Variants in PAXIP1 observed in about 807,000 individuals in gnomAD.
PAXIP1 encodes the protein PAX-interacting protein 1.
In PAXIP1, 19 loss-of-function variants were observed where a neutral mutation model predicts 140.6. That is an observed-to-expected ratio of 0.14 (90% CI 0.09 to 0.20). The LOEUF (loss-of-function observed/expected upper bound fraction) is 0.20, where lower values mean the gene tolerates loss of function less well. PAXIP1 is among the 10% of genes least tolerant of loss of function. PAXIP1 has a pLI of 1.00. For missense variants in PAXIP1, 920 were observed against 1,208.6 expected (o/e 0.76, Z 3.54); for synonymous variants, 442 against 444.6 (o/e 0.99, Z 0.07).
At chr7:154,957,057 A>G (rs1466314531) in intron 14 of PAXIP1, 167 bp downstream of exon 14, 9 of 526,586 alleles carry the variant, frequency 1.7e-5, no homozygotes, top group African/African-American at 3.9e-5. Context: ...ATACTGGCCT[A>G]TGTCATTAAA....
chr7:154,959,855 G>A (rs115039181), intron 13 of PAXIP1, 35 bp downstream of exon 13: 1 of 1,428,324 alleles, frequency 7.0e-7, no homozygotes, highest in East Asian at 2.3e-5. Flanking sequence ...TAATAATACA[G>A]TAATAGCCAA....
intron 4 of PAXIP1, among the ~76,000 whole-genome samples, 166 bp downstream of exon 4, chr7:154,990,840 A>C (rs1810297997): frequency 6.6e-6 from 1 of 152,202 alleles, no homozygotes; most frequent in Non-Finnish European, 1.5e-5. Context: ...CTTAAAAGCA[A>C]GCACAAATAT....
chr7:155,000,736 T>C (rs896275881), intron 1 of PAXIP1: 3 of 152,250 alleles, frequency 2.0e-5, no homozygotes, highest in African/African-American at 7.2e-5. Context: ...AGTATCTTAA[T>C]AGATTTATCT....
chr7:154,977,921 C>G (rs1321210901), intron 5 of PAXIP1, among the ~76,000 whole-genome samples: 1 of 123,328 alleles, frequency 8.1e-6, no homozygotes, highest in Non-Finnish European at 1.9e-5. Context: ...GAACACAGAC[C>G]AAACTTTTTA....
intron 16 of PAXIP1, chr7:154,948,763 T>TTATA (rs59726333): frequency 6.6e-6 from 1 of 150,528 alleles, no homozygotes; most frequent in African/African-American, 2.4e-5. Flanking sequence ...CAAGTGTATA[T>TTATA]TATATATATA....
chr7:154,979,587 G>A (rs997247441), intron 5 of PAXIP1, among the ~76,000 whole-genome samples: 7 of 151,396 alleles, frequency 4.6e-5, no homozygotes, highest in African/African-American at 7.3e-5. Flanking sequence ...AATATTTGTG[G>A]TTATTGAGTT....
Position 154,975,830 on chromosome 7 carries a change from C to T in PAXIP1, c.940G>A (p.Ala314Thr). The T allele has an allele frequency of 6.2e-7, 1 of 1,613,938 alleles. No homozygotes were observed. Among genetic ancestry groups the T allele is most frequent in the South Asian group, 1.1e-5 (1 of 91,082 alleles). ...LPPEVRGNLM[A>T]AGQNLQSSER... is the part of the protein sequence containing the mutation. ...GAACTTTGGAGGTTTTGTCCAGCAG[C>T]CATTAAATTACCCCGGACCTCAGGG... The change falls in exon 6 of 21, where the codon GCT (alanine) becomes ACT (threonine). Residue 314 changes from alanine to threonine, a missense_variant. Ala to Thr is a moderately conservative substitution (Grantham distance 58). This residue lies in a region of PAXIP1 where 419 missense variants were observed against 514.7 expected (regional missense o/e 0.81). Coordinates refer to ENST00000404141, the MANE Select transcript of PAXIP1 (RefSeq NM_007349.4).
At chr7:154,995,126 C>T (rs1402838134) in intron 2 of PAXIP1, among the ~76,000 whole-genome samples, 1 of 152,160 alleles carries the variant, frequency 6.6e-6, no homozygotes, top group African/African-American at 2.4e-5. Flanking sequence ...ACCAGTCTTT[C>T]TAATTGTCCT....
At chr7:154,996,764 T>C (rs909412064) in intron 2 of PAXIP1, among the ~76,000 whole-genome samples, 1 of 152,190 alleles carries the variant, frequency 6.6e-6, no homozygotes, top group Non-Finnish European at 1.5e-5. Context: ...AATTTATATA[T>C]ACATATTTTA....
At chr7:154,991,180 C>CA (rs1357754514) in intron 3 of PAXIP1, 111 bp from the exon 4 acceptor site, 6 of 578,060 alleles carry the variant, frequency 1.0e-5, no homozygotes, top group Non-Finnish European at 1.8e-5. Flanking sequence ...AAGAAAGAGA[C>CA]AGACTTAAGA....
chr7:154,955,651 A>G lies in PAXIP1; in HGVS notation c.2550-20T>C. On this transcript the variant is annotated intron_variant, in intron 14 of 20. Transcript: ENST00000404141. ...TCAATTCTGTGGAAGAAATACACAT[A>G]AAATAGTAGTGATTTCATATTTACT... 7.8e-7 allele frequency: 1 copy of G among 1,286,898 alleles called. No homozygotes were observed. The highest frequency in any genetic ancestry group is 1.1e-6 in the Non-Finnish European group (1 of 924,782). The allele number at this position is 1,286,898 out of a possible 1,614,324, so 79.7% of individuals were successfully genotyped here.
chr7:154,996,438 T>C (rs1810615690), intron 2 of PAXIP1, among the ~76,000 whole-genome samples: 1 of 152,242 alleles, frequency 6.6e-6, no homozygotes, highest in African/African-American at 2.4e-5. Context: ...AAAATGGTGA[T>C]AATCCTAGAT....
chr7:154,960,863 A>T (rs747104754), intron 12 of PAXIP1, 30 bp downstream of exon 12: 2 of 1,449,700 alleles, frequency 1.4e-6, no homozygotes, highest in Non-Finnish European at 1.9e-6. Flanking sequence ...TTATTTAAGT[A>T]AGATTTGCAG....
intron 8 of PAXIP1, 37 bp downstream of exon 8, chr7:154,967,779 T>G (rs1229896466): frequency 7.1e-7 from 1 of 1,415,238 alleles, no homozygotes. Context: ...AGAAGCATCT[T>G]CAGACACAGT....
chr7:154,975,258 G>C (rs1053049125), intron 6 of PAXIP1, among the ~76,000 whole-genome samples: 2 of 151,876 alleles, frequency 1.3e-5, no homozygotes, highest in African/African-American at 4.8e-5. Context: ...ACTGTAACCT[G>C]AAATCAAGCC....
rs1482612985 is a variant in PAXIP1 at position 154,963,786 on chromosome 7, C to G, written c.1894-20G>C. 2 of 1,547,158 alleles carry G rather than the reference C, an allele frequency of 1.3e-6. No individual in the cohort carries two copies. The highest frequency in any genetic ancestry group is 1.8e-6 in the Non-Finnish European group (2 of 1,121,354). On this transcript the variant is annotated intron_variant, in intron 8 of 20. Coordinates refer to ENST00000404141, the MANE Select transcript of PAXIP1 (RefSeq NM_007349.4). This position sits in a 1 kb window ranked among gnomAD's most constrained non-coding sequence, Gnocchi z 4.1. ...GATTATCTACACACAAAGACCCGAC[C>G]AATGCAGTCATCAATCACTCAGAAT...
rs1020849326 is a variant in PAXIP1 at position 154,973,184 on chromosome 7, G to C, written c.1074+2512C>G. The stretch of plus-strand genomic sequence containing the variant: ...AGCTCTTGGACCTCCTCATCTTGGT[G>C]GCCTTCTCCCCATTTCCTCAGCCAC... On this transcript the variant is annotated intron_variant, in intron 6 of 20. Coordinates refer to ENST00000404141, the MANE Select transcript of PAXIP1 (RefSeq NM_007349.4). The surrounding 1 kb of genome is among the most constrained non-coding windows in gnomAD (Gnocchi z 4.0). 6.6e-6 allele frequency among the ~76,000 whole-genome samples: 1 copy of C among 152,118 alleles called. No homozygotes were observed. Among genetic ancestry groups the C allele is most frequent in the African/African-American group, 2.4e-5 (1 of 41,432 alleles).
intron 10 of PAXIP1, among the ~76,000 whole-genome samples, chr7:154,961,996 T>C (rs1260516395): frequency 6.6e-6 from 1 of 152,160 alleles, no homozygotes; most frequent in Non-Finnish European, 1.5e-5. Context: ...ATCATTTGAG[T>C]GGGAAGACCC....
intron 15 of PAXIP1, among the ~76,000 whole-genome samples, chr7:154,955,041 A>C (rs930203403): frequency 6.6e-6 from 1 of 152,222 alleles, no homozygotes; most frequent in Admixed American, 6.5e-5. Flanking sequence ...TCACCAAAAC[A>C]AAACAAAATC....
Sources: gnomAD v4.1 joint callset for allele counts (sites outside exome capture counted in the v4.1 genomes callset) on GRCh38, gnomAD v4.1.1 for gene constraint, gnomAD v4.1.1 regional missense constraint, Gnocchi (gnomAD v3.1) non-coding constraint, MANE v1.5 for transcripts, NCBI Gene and HGNC (gene_info 2026-07-23, HGNC 2026-07-21) for gene names.